The following SNTG2 variants were observed in gnomAD, a reference collection of about 807,000 sequenced individuals.
SNTG2 encodes gamma-2-syntrophin.
SNTG2 carries 74 observed loss-of-function variants against 70.9 expected under a neutral mutation model. The observed-to-expected ratio is 1.04, with a 90% CI of 0.86 to 1.27. SNTG2 has a LOEUF of 1.27. Among genes scored for constraint, SNTG2 ranks in the 50% most tolerant of loss-of-function variants. The pLI, the probability that SNTG2 is intolerant of heterozygous loss-of-function variation, is 0.00. For missense variants in SNTG2, 717 were observed against 690.7 expected (o/e 1.04, Z -0.43); for synonymous variants, 278 against 273.8 (o/e 1.02, Z -0.15).
chr2:1,341,024 C>T (rs923686866), intron 16 of SNTG2: 1 of 152,120 alleles, frequency 6.6e-6, no homozygotes, highest in Admixed American at 6.5e-5. Context: ...CTGGGGTTTG[C>T]CCCAATTTAT....
In SNTG2 at chr2:1,222,067, C is replaced by A. The variant is rs1553362179; in HGVS notation, c.719+12837C>A. ...TCTCTGTCTCTCTCTGTCTCTGTTT[C>A]TCTCTGTCTCTGTCTCTGTCTCTCT... On this transcript the variant is annotated intron_variant, in intron 9 of 16. Coordinates refer to ENST00000308624, the MANE Select transcript of SNTG2 (RefSeq NM_018968.4). Among the ~76,000 whole-genome samples the A allele has an allele frequency of 4.6e-4, 6 of 13,012 alleles. 3 individuals carry two copies. Among genetic ancestry groups the A allele is most frequent in the Admixed American group, 2.4e-3 (4 of 1,658 alleles). 8.5% of individuals were successfully genotyped at this position (13,012 alleles called of 152,430 possible). A position where few individuals can be genotyped will look rare whatever the true frequency, so the allele number is the denominator to read the frequency against.
chr2:1,264,314 G>T (rs1678608947), intron 13 of SNTG2, among the ~76,000 whole-genome samples: 1 of 152,164 alleles, frequency 6.6e-6, no homozygotes, highest in African/African-American at 2.4e-5. Context: ...GTGTGACATG[G>T]GTTTCTGAGT....
rs955126141 is a variant in SNTG2 at position 1,333,242 on chromosome 2, A to G, written c.1488+16867A>G. On this transcript the variant is annotated intron_variant, in intron 16 of 16. Coordinates refer to ENST00000308624, the MANE Select transcript of SNTG2 (RefSeq NM_018968.4). ...AAAATATTTAGGAATATACCTAACC[A>G]AGGAGGTGAAAAATCCCTACAAGGG... Among the ~76,000 whole-genome samples the G allele has an allele frequency of 2.6e-5, 4 of 152,332 alleles. No homozygotes were observed. In the East Asian group the frequency reaches 7.7e-4, roughly 29 times the overall value.
rs1184296746 is a variant in SNTG2 at position 1,362,412 on chromosome 2, C to A, written c.1489-4931C>A. On this transcript the variant is annotated intron_variant, in intron 16 of 16. Coordinates refer to ENST00000308624, the MANE Select transcript of SNTG2 (RefSeq NM_018968.4). ...GCTGAGCATTTCAGTAGAACTTCCA[C>A]AAAGGTCACTAACGCTGAGCATTTC... Among the ~76,000 whole-genome samples, 23 of 119,324 alleles carry A rather than the reference C, an allele frequency of 1.9e-4. No homozygotes were observed. In the Admixed American group the frequency reaches 2.1e-3, roughly 11 times the overall value. The allele number at this position is 119,324 out of a possible 152,430, so 78.3% of individuals were successfully genotyped here.
intron 1 of SNTG2, among the ~76,000 whole-genome samples, chr2:963,706 G>C (rs907066905): frequency 1.7e-4 from 26 of 151,920 alleles, no homozygotes; most frequent in African/African-American, 5.8e-4. Context: ...GCCCATACTA[G>C]GTGCCCAGTA....
chr2:954,960 TA>T (rs1317679764), intron 1 of SNTG2, among the ~76,000 whole-genome samples: 14 of 152,370 alleles, frequency 9.2e-5, no homozygotes, highest in Admixed American at 1.3e-4. Flanking sequence ...AATATGATTA[TA>T]AACTAGCTAC....
chr2:1,098,263 G>A lies in SNTG2; in HGVS notation c.267+11G>A, dbSNP rs1558395842. On this transcript the variant is annotated intron_variant, in intron 3 of 16. Coordinates refer to ENST00000308624, the MANE Select transcript of SNTG2 (RefSeq NM_018968.4). ...GGCCTGAGTATAAAGGTATGGAAAT[G>A]GTTTTCTCTATTCCTGCTTTTTATT... 1 of 1,613,954 alleles carries A rather than the reference G, an allele frequency of 6.2e-7. No homozygotes were observed. The highest frequency in any genetic ancestry group is 8.5e-7 in the Non-Finnish European group (1 of 1,179,860).
At chr2:1,063,900 A>G (rs956787107) in intron 1 of SNTG2, among the ~76,000 whole-genome samples, 1 of 152,220 alleles carries the variant, frequency 6.6e-6, no homozygotes, top group African/African-American at 2.4e-5. Flanking sequence ...AATTTATGAA[A>G]TCAGTGAGAG....
chr2:1,348,175 C>G (rs1660394874), intron 16 of SNTG2, among the ~76,000 whole-genome samples: 1 of 152,118 alleles, frequency 6.6e-6, no homozygotes, highest in Non-Finnish European at 1.5e-5. Flanking sequence ...ACAGCATGCC[C>G]TTTATATGTT....
In SNTG2 at chr2:1,351,189, G is replaced by A. The variant is rs550190661; in HGVS notation, c.1489-16154G>A. ...TATGTCTACCTGACTCTGGAGCTAC[G>A]GTAAAGTGCAAGCACTGTGCTTTGT... On this transcript the variant is annotated intron_variant, in intron 16 of 16. Coordinates refer to ENST00000308624, the MANE Select transcript of SNTG2 (RefSeq NM_018968.4). Among the ~76,000 whole-genome samples, 6 of 151,904 alleles carry A rather than the reference G, an allele frequency of 3.9e-5. No individual in the cohort carries two copies. In the South Asian group the frequency reaches 1.2e-3, roughly 32 times the overall value.
intron 9 of SNTG2, chr2:1,219,914 T>C (rs1484124624): frequency 6.6e-6 from 1 of 152,216 alleles, no homozygotes; most frequent in East Asian, 1.9e-4. Context: ...AGAAGGCAGA[T>C]GGGCTCTATA....
At chr2:1,184,112 C>T (rs1256779483) in intron 8 of SNTG2, among the ~76,000 whole-genome samples, 2 of 152,152 alleles carry the variant, frequency 1.3e-5, no homozygotes, top group East Asian at 3.9e-4. Context: ...TATGGGCCCC[C>T]AGTCCATCAG....
At chr2:1,131,554 A>G (rs1254723228) in intron 4 of SNTG2, among the ~76,000 whole-genome samples, 1 of 152,086 alleles carries the variant, frequency 6.6e-6, no homozygotes, top group African/African-American at 2.4e-5. Flanking sequence ...CCTCAGTGTA[A>G]AGTTTCAGAG....
intron 1 of SNTG2, among the ~76,000 whole-genome samples, chr2:1,023,142 G>GC (rs1660287423): frequency 6.8e-6 from 1 of 147,724 alleles, no homozygotes; most frequent in Middle Eastern, 3.2e-3. Context: ...ATTCACATAG[G>GC]TTTTTTTTTT....
At chr2:1,053,696 G>A (rs1662208811) in intron 1 of SNTG2, among the ~76,000 whole-genome samples, 1 of 152,126 alleles carries the variant, frequency 6.6e-6, no homozygotes, top group African/African-American at 2.4e-5. Flanking sequence ...GTGTGATGCA[G>A]TTAGGCCTCC....
intron 1 of SNTG2, among the ~76,000 whole-genome samples, chr2:1,066,361 A>T (rs1261255650): frequency 6.6e-6 from 1 of 152,074 alleles, no homozygotes; most frequent in Non-Finnish European, 1.5e-5. Flanking sequence ...TGCAGTGTAC[A>T]GTCACGTGTT....
At chr2:1,181,038 A>C (rs1453131402) in intron 8 of SNTG2, among the ~76,000 whole-genome samples, 1 of 152,078 alleles carries the variant, frequency 6.6e-6, no homozygotes, top group Non-Finnish European at 1.5e-5. Flanking sequence ...GGACACAGGA[A>C]GGGGAACATC....
intron 6 of SNTG2, among the ~76,000 whole-genome samples, chr2:1,159,036 G>A (rs1474537130): frequency 6.6e-6 from 1 of 152,178 alleles, no homozygotes; most frequent in East Asian, 1.9e-4. Context: ...GTGTGCATGT[G>A]TGTGCATGTA....
At chr2:986,957 A>G (rs1315942527) in intron 1 of SNTG2, among the ~76,000 whole-genome samples, 1 of 152,244 alleles carries the variant, frequency 6.6e-6, no homozygotes, top group Non-Finnish European at 1.5e-5. Context: ...TGAGTAACAC[A>G]TTCGATTATC....
Sources: allele counts gnomAD v4.1 joint callset (sites outside exome capture counted in the v4.1 genomes callset), GRCh38; gene constraint gnomAD v4.1.1; transcripts MANE v1.5; gene names NCBI Gene and HGNC (gene_info 2026-07-23, HGNC 2026-07-21).